Variants in HERC4 observed in about 807,000 individuals in gnomAD.
The protein encoded by HERC4 is HECT and RLD domain containing E3 ubiquitin protein ligase 4.
A neutral mutation model predicts 124.3 loss-of-function variants in HERC4; 28 were observed. The ratio of observed to expected loss-of-function variants is 0.23; its 90% confidence interval spans 0.17 to 0.31. The LOEUF (loss-of-function observed/expected upper bound fraction) is 0.31. Among genes scored for constraint, HERC4 ranks in the 10% least tolerant of loss-of-function variants. The pLI is 1.00. For missense variants in HERC4, 713 were observed against 1,229.3 expected, an observed-to-expected ratio of 0.58 and a Z score of 6.28; for synonymous variants, 407 against 421.5, an observed-to-expected ratio of 0.97 and a Z score of 0.42.
intron 7 of HERC4, among the ~76,000 whole-genome samples, chr10:68,031,576 TC>T (rs1408504165): frequency 6.6e-6 from 1 of 152,162 alleles, no homozygotes; most frequent in Non-Finnish European, 1.5e-5. Flanking sequence ...TAATAATCCT[TC>T]CTTACTAAAA....
intron 8 of HERC4, among the ~76,000 whole-genome samples, chr10:68,015,683 G>A (rs1018585956): frequency 6.6e-6 from 1 of 152,164 alleles, no homozygotes; most frequent in African/African-American, 2.4e-5. Context: ...TCAAAGGAAT[G>A]TATTAATAGT....
intron 3 of HERC4, among the ~76,000 whole-genome samples, chr10:68,056,302 T>C (rs757167641): frequency 5.9e-5 from 9 of 152,194 alleles, no homozygotes; most frequent in Non-Finnish European, 1.3e-4. Flanking sequence ...CAAGAGTCTA[T>C]GATCTTCCTT....
chr10:68,015,068 C>G, intron 8 of HERC4, among the ~76,000 whole-genome samples: 1 of 152,330 alleles, frequency 6.6e-6, no homozygotes, highest in African/African-American at 2.4e-5. Flanking sequence ...CTGGAAATCT[C>G]TTTCTCCATG....
At chr10:68,064,923 G>A (rs1403330570) in intron 3 of HERC4, among the ~76,000 whole-genome samples, 1 of 150,462 alleles carries the variant, frequency 6.6e-6, no homozygotes, top group Non-Finnish European at 1.5e-5. Flanking sequence ...GGTGAGTGGA[G>A]ATCGCGCCAT....
At chr10:68,010,768 C>G in intron 9 of HERC4, 1 of 1,495,604 alleles carries the variant, frequency 6.7e-7, no homozygotes, top group South Asian at 1.2e-5. Context: ...ATAGAACCCC[C>G]AGGGTAAGCC....
intron 3 of HERC4, among the ~76,000 whole-genome samples, chr10:68,062,920 T>C (rs2041105457): frequency 6.6e-6 from 1 of 152,156 alleles, no homozygotes; most frequent in South Asian, 2.1e-4. Flanking sequence ...TCAAGCTCCT[T>C]AATTTATTTC....
At chr10:68,017,500 T>G (rs1454584456) in intron 8 of HERC4, among the ~76,000 whole-genome samples, 1 of 152,246 alleles carries the variant, frequency 6.6e-6, no homozygotes, top group Non-Finnish European at 1.5e-5. Flanking sequence ...TTTATTTTTT[T>G]GAGACAGAGT....
Position 68,059,895 on chromosome 10 carries a change from T to A in HERC4, c.226+12988A>T, listed in dbSNP as rs1199145180. Among the ~76,000 whole-genome samples, 9 of 73,732 alleles carry A rather than the reference T, an allele frequency of 1.2e-4. 1 individual carries two copies. The highest frequency in any genetic ancestry group is 7.4e-4 in the African/African-American group (9 of 12,180). 48.4% of individuals were successfully genotyped at this position (73,732 alleles called of 152,430 possible). A position where few individuals can be genotyped will look rare whatever the true frequency, so the allele number is the denominator to read the frequency against. On this transcript the variant is annotated intron_variant, in intron 3 of 24. Transcript: ENST00000373700. Reference sequence around the variant, plus strand: ...TATAATAATATTATATATCATAATATTATATATTATATAATATTATATATC... The same window carrying A: ...TATAATAATATTATATATCATAATAATATATATTATATAATATTATATATC...
rs773860168 is a variant in HERC4, at chr10:67,954,783, A to G, written c.2194-45T>C. ...ACACCAAATAGACTGTAAAGAAATG[A>G]AAGTACATTCTGGAGACCCTAGAAC... On this transcript the variant is annotated intron_variant, in intron 18 of 24. Transcript: ENST00000373700. 1.9e-6 allele frequency: 3 copies of G among 1,579,618 alleles called. No homozygotes were observed. The East Asian group carries it at 6.7e-5, about 35-fold the overall frequency.
chr10:67,948,718 C>T (rs777721044), intron 19 of HERC4, among the ~76,000 whole-genome samples: 18 of 150,072 alleles, frequency 1.2e-4, no homozygotes, highest in East Asian at 4.0e-4. Context: ...GTCAGGAGTT[C>T]AAGACCAGCC....
chr10:67,988,594 T>C, intron 15 of HERC4, 69 bp downstream of exon 15: 1 of 1,024,896 alleles, frequency 9.8e-7, no homozygotes, highest in Non-Finnish European at 1.4e-6. Flanking sequence ...AGATTAATGT[T>C]AAAATGAACA....
In HERC4 at chr10:67,936,213, G is replaced by T; in HGVS notation, c.2594C>A (p.Ala865Glu). 6.3e-7 allele frequency: 1 copy of T among 1,598,636 alleles called. No individual in the cohort carries two copies. Among genetic ancestry groups the T allele is most frequent in the Non-Finnish European group, 8.5e-7 (1 of 1,173,784 alleles). ...TAGAACCAGCTCTTTCACTTCTGTT[G>T]CACCAAAGTTTTCAACTGTGATCTA... ...NFTITVENFG[A>E]TEVKELVLNG... is the part of the protein sequence containing the mutation. The change falls in exon 22 of 25, where the codon GCA becomes GAA. Residue 865 changes from alanine to glutamate, a missense_variant. Coordinates refer to ENST00000373700, the MANE Select transcript of HERC4 (RefSeq NM_015601.4).
At position 67,925,204 on chromosome 10, in the gene HERC4, C is replaced by A. The variant is rs111617068; in HGVS notation, c.2839-17G>T. ...TTCTGTATTCTAAAAACAACATAATCTTTTATTAGTATTAAGGGACACACT... is the reference window on the plus strand; with the variant it reads ...TTCTGTATTCTAAAAACAACATAATATTTTATTAGTATTAAGGGACACACT... On this transcript the variant is annotated splice_polypyrimidine_tract_variant and intron_variant, in intron 23 of 24. Coordinates refer to ENST00000373700, the MANE Select transcript of HERC4 (RefSeq NM_015601.4). The A allele has an allele frequency of 5.0e-6, 7 of 1,404,208 alleles. No homozygotes were observed. The highest frequency in any genetic ancestry group is 6.1e-6 in the Non-Finnish European group (6 of 991,402). The allele number at this position is 1,404,208 out of a possible 1,614,324, so 87.0% of individuals were successfully genotyped here.
chr10:68,006,464 C>T (rs940774693), intron 9 of HERC4, among the ~76,000 whole-genome samples: 3 of 151,730 alleles, frequency 2.0e-5, no homozygotes, highest in Admixed American at 6.6e-5. Context: ...CTCCACCTCC[C>T]GGGTTCAAGC....
chr10:67,938,528 T>C (rs376462128), intron 21 of HERC4, among the ~76,000 whole-genome samples: 10 of 152,210 alleles, frequency 6.6e-5, no homozygotes, highest in African/African-American at 2.4e-4. Flanking sequence ...AATATTCAAA[T>C]TGTTCCCTTC....
At chr10:67,977,321 C>T (rs577930833) in intron 15 of HERC4, among the ~76,000 whole-genome samples, 5 of 152,226 alleles carry the variant, frequency 3.3e-5, no homozygotes, top group African/African-American at 1.2e-4. Context: ...AGAAGGGAAC[C>T]CACTGCCTCG....
At chr10:67,972,903 T>C (rs1010227486) in intron 15 of HERC4, among the ~76,000 whole-genome samples, 1 of 152,210 alleles carries the variant, frequency 6.6e-6, no homozygotes, top group Non-Finnish European at 1.5e-5. Flanking sequence ...GATGATATTA[T>C]AGAATTATAG....
chr10:67,924,982 T>G, intron 24 of HERC4, 103 bp downstream of exon 24: 1 of 649,964 alleles, frequency 1.5e-6, no homozygotes, highest in South Asian at 2.1e-5. Flanking sequence ...GTGCAGATAG[T>G]TCTGTTTCAA....
At chr10:67,998,054 A>G (rs944855825) in intron 9 of HERC4, among the ~76,000 whole-genome samples, 63 of 152,012 alleles carry the variant, frequency 4.1e-4, no homozygotes, top group African/African-American at 1.4e-3. Context: ...GCGTGCCACC[A>G]CGCCTAGCTA....
Sources: gnomAD v4.1 joint callset for allele counts (sites outside exome capture counted in the v4.1 genomes callset) on GRCh38, gnomAD v4.1.1 for gene constraint, MANE v1.5 for transcripts, NCBI Gene and HGNC (gene_info 2026-07-23, HGNC 2026-07-21) for gene names.